Variants in UNC45A observed in about 807,000 individuals in gnomAD.
The protein encoded by UNC45A is unc-45 myosin chaperone A.
A neutral mutation model predicts 103.2 loss-of-function variants in UNC45A; 78 were observed. That is an observed-to-expected ratio of 0.76 (90% confidence interval 0.63 to 0.91). The LOEUF (loss-of-function observed/expected upper bound fraction) is 0.91, where lower values mean the gene tolerates loss of function less well. Among genes scored for constraint, UNC45A ranks in the 40% least tolerant of loss-of-function variants. UNC45A has a pLI of 0.00. For synonymous variants in UNC45A, 495 were observed against 504.6 expected (o/e 0.98, Z 0.25); for missense variants, 1,193 against 1,224.8 (o/e 0.97, Z 0.39).
At chr15:90,932,797 A>G (rs1042173618), upstream of UNC45A, 19 of 381,174 alleles carry the variant, frequency 5.0e-5, no homozygotes, top group African/African-American at 2.7e-4. Flanking sequence ...GCTCTTTGGG[A>G]GCCCACAGTC....
At chr15:90,942,334 C>T in intron 6 of UNC45A, 103 bp from the exon 7 acceptor site, 1 of 1,388,942 alleles carries the variant, frequency 7.2e-7, no homozygotes. Context: ...GCCTTCCACC[C>T]AATTCTCTCC....
At chr15:90,943,961 T>TTACCGTCA (rs1401897814) in intron 8 of UNC45A, among the ~76,000 whole-genome samples, 1 of 150,540 alleles carries the variant, frequency 6.6e-6, no homozygotes, top group Non-Finnish European at 1.5e-5. Context: ...AGTGTTGGGA[T>TTACCGTCA]TACCGTCATG....
In UNC45A at chr15:90,942,968, G is replaced by A. The variant is rs772371024; in HGVS notation, c.913G>A (p.Val305Met). The A allele has an allele frequency of 3.1e-6, 5 of 1,614,194 alleles. No individual in the cohort carries two copies. Among genetic ancestry groups the A allele is most frequent in the Non-Finnish European group, 4.2e-6 (5 of 1,180,020 alleles). The change falls in exon 8 of 20, where the codon GTG becomes ATG. Residue 305 changes from valine to methionine, a missense_variant. Physicochemically the swap from Val to Met is conservative, Grantham distance 21. Coordinates refer to ENST00000418476, the MANE Select transcript of UNC45A (RefSeq NM_018671.5). ...ISNLLDLLTE[V>M]GVSGQGRDNA... ...TAACCTCTTAGATCTGCTGACAGAG[G>A]TGGGGGTCTCTGGCCAAGGCCGAGA...
chr15:90,932,475 C>A, upstream of UNC45A: 1 of 1,321,490 alleles, frequency 7.6e-7, no homozygotes, highest in South Asian at 2.2e-5. Context: ...CCTTCCGCCG[C>A]TGCTGCCGGT....
Position 90,948,715 on chromosome 15 carries a change from A to G in UNC45A, c.1799A>G (p.Tyr600Cys), listed in dbSNP as rs1003825334. 1 of 1,613,914 alleles carries G rather than the reference A, an allele frequency of 6.2e-7. No individual in the cohort carries two copies. Among genetic ancestry groups the G allele is most frequent in the Admixed American group, 1.7e-5 (1 of 59,984 alleles). The change falls in exon 13 of 20, where the codon TAT (tyrosine) becomes TGT (cysteine). Residue 600 changes from tyrosine to cysteine, a missense_variant. Transcript: ENST00000418476. Reference protein sequence around the residue: ...ASALVNCTNSYDYEEPDPKMV... With the variant: ...ASALVNCTNSCDYEEPDPKMV... ...GCGCTGGTGAACTGCACCAACAGCT[A>G]TGACTACGAGGAGCCCGACCCCAAG...
chr15:90,949,856 TGA>T (rs952442859), intron 15 of UNC45A, 136 bp downstream of exon 15: 3 of 970,360 alleles, frequency 3.1e-6, no homozygotes, highest in East Asian at 2.5e-5. Context: ...ACCGTCCCGC[TGA>T]GAGAGTGACG....
chr15:90,943,686 T>A (rs2036409631), intron 8 of UNC45A, among the ~76,000 whole-genome samples: 1 of 151,708 alleles, frequency 6.6e-6, no homozygotes, highest in African/African-American at 2.4e-5. Context: ...CTGGATTAGC[T>A]TTCTGTATTT....
intron 6 of UNC45A, 139 bp from the exon 7 acceptor site, chr15:90,942,298 T>C: frequency 1.0e-6 from 1 of 965,116 alleles, no homozygotes; most frequent in Non-Finnish European, 1.5e-6. Context: ...TGCCATCCAT[T>C]CTGTGTTGTT....
At chr15:90,949,582 TG>T in intron 14 of UNC45A, 71 bp from the exon 15 acceptor site, 1 of 1,605,564 alleles carries the variant, frequency 6.2e-7, no homozygotes, top group Non-Finnish European at 8.5e-7. Context: ...CCGTCTTTGC[TG>T]AGCCTAGGAG....
intron 17 of UNC45A, among the ~76,000 whole-genome samples, chr15:90,951,342 C>T (rs1176372577): frequency 6.7e-6 from 1 of 149,588 alleles, no homozygotes. Flanking sequence ...TGACTTTGAA[C>T]ATATTACTCA....
At position 90,935,712 on chromosome 15, in the gene UNC45A, G is replaced by T. The variant is rs2035975871; in HGVS notation, c.213+7G>T. The T allele has an allele frequency of 6.4e-7, 1 of 1,550,892 alleles. No homozygotes were observed. The highest frequency in any genetic ancestry group is 1.4e-5 in the African/African-American group (1 of 72,892). On this transcript the variant is annotated splice_region_variant and intron_variant, in intron 2 of 19. Coordinates refer to ENST00000418476, the MANE Select transcript of UNC45A (RefSeq NM_018671.5). ...CGCCTGCCACCTCAAGCTGGTGAGG[G>T]AGCCTGGCGCTCTTCCCCTCGCCCG...
Position 90,948,977 on chromosome 15 carries a change from T to C in UNC45A, c.1878+183T>C, listed in dbSNP as rs546693605. ...CTGCAAGCTCCGCCTCCCGGGTTCA[T>C]GCCATTCTCCTGCCTCAGCCTCCCG... On this transcript the variant is annotated intron_variant, in intron 13 of 19. Transcript: ENST00000418476. Among the ~76,000 whole-genome samples, 572 of 150,430 alleles carry C rather than the reference T, an allele frequency of 3.8e-3. 4 individuals are homozygous for C. The highest frequency in any genetic ancestry group is 0.013 in the African/African-American group (543 of 40,848).
In UNC45A at chr15:90,940,488, G is replaced by A. The variant is rs779468616; in HGVS notation, c.687+15G>A. The A allele has an allele frequency of 2.8e-5, 45 of 1,605,546 alleles. No homozygotes were observed. The highest frequency in any genetic ancestry group is 3.7e-5 in the Non-Finnish European group (44 of 1,174,162). ...ATCAGTCACGGGTAGGTGGAGTGGA[G>A]AGGCTGGTTACAGCTTCAGTCCCTT... On this transcript the variant is annotated intron_variant, in intron 6 of 19. Coordinates refer to ENST00000418476, the MANE Select transcript of UNC45A (RefSeq NM_018671.5).
At chr15:90,933,304 C>A (rs2035870112), upstream of UNC45A, 1 of 152,350 alleles carries the variant, frequency 6.6e-6, no homozygotes, top group Non-Finnish European at 1.5e-5. Flanking sequence ...GTTGTCACTG[C>A]TGTCCTGGGA....
At chr15:90,942,824 T>C (rs1400059720) in intron 7 of UNC45A, 88 bp from the exon 8 acceptor site, 3 of 1,523,066 alleles carry the variant, frequency 2.0e-6, no homozygotes, top group Non-Finnish European at 2.7e-6. Context: ...CCCCCTTCCC[T>C]GTGTCTCCCT....
chr15:90,935,344 G>A lies in UNC45A; in HGVS notation c.20G>A (p.Gly7Glu), dbSNP rs1431539257. The change falls in exon 1 of 20, where the codon GGG becomes GAG. Residue 7 changes from glycine (G) to glutamate (E), a missense_variant. Transcript: ENST00000418476. The stretch of plus-strand genomic sequence containing the variant: ...TCCGCGATGACTGTGAGTGGTCCAG[G>A]GACCCCCGAGCCCCGGCCGGCCACC... MTVSGP[G>E]TPEPRPATPG... The A allele has an allele frequency of 6.2e-7, 1 of 1,604,378 alleles. No individual in the cohort carries two copies.
Position 90,940,296 on chromosome 15 carries a change from T to A in UNC45A, c.520-10T>A. On this transcript the variant is annotated splice_polypyrimidine_tract_variant and intron_variant, in intron 5 of 19. Transcript: ENST00000418476. ...AGTGTCAACATTATAATGTGCTTCC[T>A]TTGACGCAGGCTTCTCAGAACCTGG... is the stretch of plus-strand genomic sequence containing the variant. The A allele has an allele frequency of 6.2e-7, 1 of 1,610,400 alleles. No individual in the cohort carries two copies. The highest frequency in any genetic ancestry group is 1.1e-5 in the South Asian group (1 of 90,656).
chr15:90,935,733 G>C (rs369109866), intron 2 of UNC45A, 28 bp downstream of exon 2: 1 of 1,532,028 alleles, frequency 6.5e-7, no homozygotes, highest in Admixed American at 2.1e-5. Context: ...TCTTCCCCTC[G>C]CCCGCCCGGG....
intron 16 of UNC45A, 25 bp from the exon 17 acceptor site, chr15:90,950,475 C>A: frequency 6.2e-7 from 1 of 1,611,506 alleles, no homozygotes. Flanking sequence ...GCAAGTACCC[C>A]TGACAGGTGG....
Sources: gnomAD v4.1 joint callset for allele counts (sites outside exome capture counted in the v4.1 genomes callset) on GRCh38, gnomAD v4.1.1 for gene constraint, MANE v1.5 for transcripts, NCBI Gene and HGNC (gene_info 2026-07-23, HGNC 2026-07-21) for gene names.